Variants in BICD1 observed in about 807,000 individuals in gnomAD.
BICD1 encodes the protein BICD cargo adaptor 1.
BICD1 carries 35 observed loss-of-function variants against 92.5 expected under a neutral mutation model. That is an observed-to-expected ratio of 0.38 (90% CI 0.29 to 0.50). The LOEUF is 0.50. Among genes scored for constraint, BICD1 ranks in the 20% least tolerant of loss-of-function variants. The pLI is 0.93. For synonymous variants in BICD1, 429 were observed against 465.1 expected (o/e 0.92, Z 1.00); for missense variants, 950 against 1,189.8 (o/e 0.80, Z 2.97).
At chr12:32,233,623 A>G (rs183569977) in intron 2 of BICD1, among the ~76,000 whole-genome samples, 3 of 151,792 alleles carry the variant, frequency 2.0e-5, no homozygotes, top group African/African-American at 7.3e-5. Context: ...TCGGACCATA[A>G]GAATAAAGAT....
chr12:32,266,397 TATG>T (rs1218361031), intron 2 of BICD1, among the ~76,000 whole-genome samples: 1 of 152,206 alleles, frequency 6.6e-6, no homozygotes, highest in Non-Finnish European at 1.5e-5. Context: ...GTGCTGGAAA[TATG>T]ATAACAGGCC....
At chr12:32,338,630 G>A in intron 7 of BICD1, 156 bp from the exon 8 acceptor site, 1 of 610,978 alleles carries the variant, frequency 1.6e-6, no homozygotes, top group Non-Finnish European at 2.6e-6. Flanking sequence ...GTATCCTGAT[G>A]TGGAAACTAA....
chr12:32,302,869 T>C (rs1948094824), intron 3 of BICD1, among the ~76,000 whole-genome samples: 1 of 137,258 alleles, frequency 7.3e-6, no homozygotes, highest in African/African-American at 2.6e-5. Context: ...CATGTTGAAA[T>C]TCCAATGACC....
At chr12:32,273,375 AC>A (rs1947191970) in intron 2 of BICD1, among the ~76,000 whole-genome samples, 1 of 152,240 alleles carries the variant, frequency 6.6e-6, no homozygotes, top group African/African-American at 2.4e-5. Flanking sequence ...AGGATAAGGT[AC>A]AGCGGGAGAA....
intron 4 of BICD1, among the ~76,000 whole-genome samples, chr12:32,316,749 C>T (rs1345459737): frequency 6.6e-6 from 1 of 151,768 alleles, no homozygotes; most frequent in Admixed American, 6.6e-5. Flanking sequence ...TACATATGCA[C>T]AACGTGCAGG....
chr12:32,205,580 T>G (rs1460364785), intron 1 of BICD1, among the ~76,000 whole-genome samples: 1 of 151,530 alleles, frequency 6.6e-6, no homozygotes, highest in Non-Finnish European at 1.5e-5. Flanking sequence ...AATATAATTT[T>G]ATGTCAAATT....
chr12:32,367,610 T>TAC (rs1165399288), intron 8 of BICD1, 60 bp from the exon 9 acceptor site: 1 of 1,508,468 alleles, frequency 6.6e-7, no homozygotes, highest in African/African-American at 1.4e-5. Context: ...TAGTCACTGT[T>TAC]ACTAACACCT....
At chr12:32,124,069 G>A (rs953488078) in intron 1 of BICD1, among the ~76,000 whole-genome samples, 3 of 152,056 alleles carry the variant, frequency 2.0e-5, no homozygotes, top group African/African-American at 7.2e-5. Flanking sequence ...TCCATAATGC[G>A]AGCTATCCAG....
chr12:32,198,330 C>CTATATATATATATA (rs749446989), intron 1 of BICD1, among the ~76,000 whole-genome samples: 51 of 117,764 alleles, frequency 4.3e-4, no homozygotes, highest in Middle Eastern at 4.4e-3. Context: ...ATGCATCTAT[C>CTATATATATATATA]TATATATATA....
At chr12:32,113,938 C>T (rs985520864) in intron 1 of BICD1, among the ~76,000 whole-genome samples, 1 of 151,962 alleles carries the variant, frequency 6.6e-6, no homozygotes, top group Non-Finnish European at 1.5e-5. Flanking sequence ...GTGGCGCAAT[C>T]TCGGCTTACT....
At chr12:32,276,132 A>C (rs1947269888) in intron 2 of BICD1, among the ~76,000 whole-genome samples, 1 of 152,172 alleles carries the variant, frequency 6.6e-6, no homozygotes, top group South Asian at 2.1e-4. Context: ...ATGGTTCTTC[A>C]AATGGAGCCC....
At chr12:32,329,339 C>T (rs1002457253) in intron 5 of BICD1, among the ~76,000 whole-genome samples, 1 of 152,076 alleles carries the variant, frequency 6.6e-6, no homozygotes, top group Non-Finnish European at 1.5e-5. Context: ...TCAAGTGATC[C>T]GCCCACCTCG....
chr12:32,133,669 T>C (rs1206041454), intron 1 of BICD1, among the ~76,000 whole-genome samples: 3 of 152,172 alleles, frequency 2.0e-5, no homozygotes, highest in African/African-American at 4.8e-5. Context: ...GTTTCTGTTA[T>C]AAAGCTAAAC....
chr12:32,324,171 AT>A (rs1651886625), intron 4 of BICD1, among the ~76,000 whole-genome samples: 2 of 152,198 alleles, frequency 1.3e-5, no homozygotes, highest in Admixed American at 1.3e-4. Flanking sequence ...TAAAAACCCC[AT>A]GGTGAAACCC....
chr12:32,278,824 C>T (rs554300297), intron 2 of BICD1, among the ~76,000 whole-genome samples: 28 of 152,172 alleles, frequency 1.8e-4, no homozygotes, highest in African/African-American at 6.5e-4. Flanking sequence ...CCACTGCACG[C>T]CAGCCTGGGC....
Position 32,334,608 on chromosome 12 carries a change from G to C in BICD1, c.2193G>C (p.Leu731=). ...TETMTKLRNE[L]KALKEDAATF... ...CCATGACGAAGCTTAGAAATGAACT[G>C]AAGGCTTTGAAAGAAGATGCTGCAA... The change falls in exon 6 of 10, where the codon CTG becomes CTC. Residue 731 remains leucine (L), a synonymous_variant. Coordinates refer to ENST00000652176, the MANE Select transcript of BICD1 (RefSeq NM_001714.4). The C allele has an allele frequency of 6.2e-7, 1 of 1,612,028 alleles. No homozygotes were observed. Among genetic ancestry groups the C allele is most frequent in the Non-Finnish European group, 8.5e-7 (1 of 1,179,106 alleles).
At chr12:32,208,182 T>C (rs908448289) in intron 1 of BICD1, among the ~76,000 whole-genome samples, 1 of 152,220 alleles carries the variant, frequency 6.6e-6, no homozygotes. Flanking sequence ...ACATAGAACT[T>C]AAAAACCTTG....
At chr12:32,304,182 G>A (rs768959939) in intron 3 of BICD1, among the ~76,000 whole-genome samples, 42 of 152,252 alleles carry the variant, frequency 2.8e-4, no homozygotes, top group Non-Finnish European at 4.9e-4. Context: ...TAACCTTTGC[G>A]AGACAAACCA....
intron 8 of BICD1, among the ~76,000 whole-genome samples, chr12:32,348,763 T>TG: frequency 4.0e-5 from 1 of 24,830 alleles, no homozygotes; most frequent in East Asian, 1.2e-3. Context: ...TATATATATA[T>TG]ATATATATAT....
Sources: allele counts gnomAD v4.1 joint callset (sites outside exome capture counted in the v4.1 genomes callset), GRCh38; gene constraint gnomAD v4.1.1; transcripts MANE v1.5; gene names NCBI Gene and HGNC (gene_info 2026-07-23, HGNC 2026-07-21).